Variants in PTPRD observed in about 807,000 individuals in gnomAD.
PTPRD encodes the protein protein tyrosine phosphatase receptor type D, also known as receptor-type tyrosine-protein phosphatase delta.
Under a neutral mutation model 214.5 loss-of-function variants are expected in PTPRD, and 34 were observed. That is an observed-to-expected ratio of 0.16 (90% CI 0.12 to 0.21). The LOEUF is 0.21. PTPRD is among the 10% of genes least tolerant of loss of function. The pLI is 1.00. For missense variants in PTPRD, 2,545 were observed against 2,398.7 expected (o/e 1.06, Z -1.27); for synonymous variants, 1,128 against 845.7 (o/e 1.33, Z -5.79).
intron 21 of PTPRD, among the ~76,000 whole-genome samples, chr9:8,516,033 A>G (rs1164656509): frequency 1.3e-5 from 2 of 152,240 alleles, no homozygotes; most frequent in Non-Finnish European, 2.9e-5. Context: ...TTGAAAAAAT[A>G]ATCACAGCTG....
intron 8 of PTPRD, among the ~76,000 whole-genome samples, chr9:9,508,806 G>A (rs1022414031): frequency 2.0e-5 from 3 of 151,480 alleles, no homozygotes; most frequent in Non-Finnish European, 4.4e-5. Flanking sequence ...TATTCTTCAG[G>A]ACGCAGCAGG....
chr9:10,054,445 C>A (rs2097585347), intron 3 of PTPRD, among the ~76,000 whole-genome samples: 1 of 152,098 alleles, frequency 6.6e-6, no homozygotes, highest in African/African-American at 2.4e-5. Flanking sequence ...TAGTTGACTA[C>A]ACTGTAGAAA....
chr9:10,219,152 T>G (rs569866257), intron 3 of PTPRD, among the ~76,000 whole-genome samples: 11 of 151,858 alleles, frequency 7.2e-5, no homozygotes, highest in African/African-American at 2.7e-4. Context: ...ACATCTTCAT[T>G]TATCTCTCAG....
chr9:9,052,073 A>G (rs1429806712), intron 10 of PTPRD, among the ~76,000 whole-genome samples: 1 of 152,194 alleles, frequency 6.6e-6, no homozygotes, highest in African/African-American at 2.4e-5. Flanking sequence ...GGGATGTTTA[A>G]GATCAAGGAG....
intron 2 of PTPRD, among the ~76,000 whole-genome samples, chr9:10,407,689 T>A (rs1018412912): frequency 6.6e-6 from 1 of 151,550 alleles, no homozygotes; most frequent in African/African-American, 2.4e-5. Flanking sequence ...ATCAGTATGT[T>A]TAAATTCATG....
chr9:8,334,219 C>G (rs1480213808), intron 43 of PTPRD, among the ~76,000 whole-genome samples: 1 of 152,062 alleles, frequency 6.6e-6, no homozygotes, highest in African/African-American at 2.4e-5. Context: ...CACCCCAAAT[C>G]AAGAGAATAT....
At chr9:8,969,096 A>T (rs564442890) in intron 11 of PTPRD, among the ~76,000 whole-genome samples, 2 of 152,164 alleles carry the variant, frequency 1.3e-5, no homozygotes, top group South Asian at 4.1e-4. Context: ...CCTCCTCCTC[A>T]TCCCATTCCT....
intron 10 of PTPRD, among the ~76,000 whole-genome samples, chr9:9,028,138 G>A (rs572867932): frequency 1.3e-5 from 2 of 152,012 alleles, no homozygotes; most frequent in South Asian, 4.2e-4. Context: ...ATCACAAACT[G>A]ATGTTGGTTA....
intron 6 of PTPRD, among the ~76,000 whole-genome samples, chr9:9,750,667 C>T (rs117409159): frequency 0.02 from 3,030 of 152,128 alleles, 44 homozygotes; most frequent in Non-Finnish European, 0.032. Context: ...CTGCAGCTTA[C>T]CCTTTAACAA....
rs937781511 is a variant in PTPRD, at chr9:9,944,941, A to G, written c.-471-6331T>C. ...AAATGAGAAGCAGAAAAACAACAAA[A>G]AGGCCTACTGTAAAAGTCTAGAAAA... On this transcript the variant is annotated intron_variant, in intron 4 of 45. Transcript: ENST00000381196. 2.0e-5 allele frequency among the ~76,000 whole-genome samples: 3 copies of G among 152,056 alleles called. No homozygotes were observed. The South Asian group carries it at 6.2e-4, about 31-fold the overall frequency.
At chr9:9,112,519 A>G (rs570374491) in intron 10 of PTPRD, among the ~76,000 whole-genome samples, 1 of 152,154 alleles carries the variant, frequency 6.6e-6, no homozygotes, top group Admixed American at 6.6e-5. Context: ...TCTCTTTCTT[A>G]GAAGTCAATG....
intron 4 of PTPRD, among the ~76,000 whole-genome samples, chr9:10,009,625 G>A (rs1330888862): frequency 6.6e-6 from 1 of 151,880 alleles, no homozygotes; most frequent in East Asian, 1.9e-4. Flanking sequence ...AATATTTCCT[G>A]TTGAGATCTT....
chr9:9,312,849 C>T (rs1161150592), intron 9 of PTPRD, among the ~76,000 whole-genome samples: 2 of 152,188 alleles, frequency 1.3e-5, no homozygotes, highest in Non-Finnish European at 2.9e-5. Flanking sequence ...CTCAGCAAGC[C>T]TGCCATACTT....
chr9:10,360,791 A>AT (rs2097365819), intron 2 of PTPRD, among the ~76,000 whole-genome samples: 1 of 152,100 alleles, frequency 6.6e-6, no homozygotes, highest in South Asian at 2.1e-4. Context: ...AAGCAATCTC[A>AT]TTAAAGGGTC....
intron 8 of PTPRD, among the ~76,000 whole-genome samples, chr9:9,531,755 A>G (rs1450600130): frequency 6.6e-6 from 1 of 152,094 alleles, no homozygotes; most frequent in African/African-American, 2.4e-5. Context: ...TTGAACACCT[A>G]TTTTTAATTC....
At chr9:9,832,893 GT>G (rs34993342) in intron 5 of PTPRD, among the ~76,000 whole-genome samples, 28,620 of 144,998 alleles carry the variant, frequency 0.2, 3,359 homozygotes, top group African/African-American at 0.34. Context: ...TTTTTTCTAT[GT>G]TTTTTTTTTT....
intron 2 of PTPRD, among the ~76,000 whole-genome samples, chr9:10,523,754 T>G (rs2053339384): frequency 6.6e-6 from 1 of 151,136 alleles, no homozygotes; most frequent in Non-Finnish European, 1.5e-5. Flanking sequence ...ATGATTACTT[T>G]TGAAAATAAA....
At chr9:8,729,982 C>A (rs1197060671) in intron 12 of PTPRD, among the ~76,000 whole-genome samples, 1 of 152,184 alleles carries the variant, frequency 6.6e-6, no homozygotes, top group South Asian at 2.1e-4. Flanking sequence ...ATAGGCCGGG[C>A]GTGGTGGCTC....
chr9:9,180,875 T>G (rs192530310), intron 10 of PTPRD, among the ~76,000 whole-genome samples: 268 of 152,258 alleles, frequency 1.8e-3, no homozygotes, highest in African/African-American at 6.1e-3. Flanking sequence ...TCTTAAAAAT[T>G]TTTGTAGACA....
Sources: gnomAD v4.1 joint callset for allele counts (sites outside exome capture counted in the v4.1 genomes callset) on GRCh38, gnomAD v4.1.1 for gene constraint, MANE v1.5 for transcripts, NCBI Gene and HGNC (gene_info 2026-07-23, HGNC 2026-07-21) for gene names.